MARCHF4: variants seen among roughly 807,000 people sequenced by gnomAD.
MARCHF4 encodes membrane associated ring-CH-type finger 4, also known as E3 ubiquitin-protein ligase MARCHF4.
MARCHF4 carries 14 observed loss-of-function variants against 43.9 expected under a neutral mutation model. The ratio of observed to expected loss-of-function variants is 0.32; its 90% confidence interval spans 0.21 to 0.50. MARCHF4 has a LOEUF of 0.50. Among genes scored for constraint, MARCHF4 ranks in the 20% least tolerant of loss-of-function variants. The pLI, the probability that MARCHF4 is intolerant of heterozygous loss-of-function variation, is 0.98. For missense variants in MARCHF4, 468 were observed against 536.7 expected (o/e 0.87, Z 1.27); for synonymous variants, 226 against 213.3 (o/e 1.06, Z -0.52).
intron 3 of MARCHF4, among the ~76,000 whole-genome samples, chr2:216,269,079 C>CCA (rs1690893188): frequency 6.6e-6 from 1 of 152,150 alleles, no homozygotes; most frequent in Admixed American, 6.5e-5. Flanking sequence ...CCATATTCTA[C>CCA]TGTTTTAAAG....
At chr2:216,360,526 G>T (rs1430362450) in intron 1 of MARCHF4, among the ~76,000 whole-genome samples, 2 of 132,268 alleles carry the variant, frequency 1.5e-5, no homozygotes, top group East Asian at 5.6e-4. Flanking sequence ...ATCTGAAAAG[G>T]CTACACACTG....
intron 1 of MARCHF4, among the ~76,000 whole-genome samples, chr2:216,320,083 G>A (rs966301833): frequency 6.6e-6 from 1 of 152,122 alleles, no homozygotes; most frequent in Non-Finnish European, 1.5e-5. Flanking sequence ...TAAAGGGAAA[G>A]TAAAAAATCT....
intron 1 of MARCHF4, among the ~76,000 whole-genome samples, chr2:216,329,335 G>T (rs1692048343): frequency 6.6e-6 from 1 of 152,042 alleles, no homozygotes; most frequent in Non-Finnish European, 1.5e-5. Flanking sequence ...GAGCCGAGAT[G>T]GCGCCACTGG....
At chr2:216,299,775 G>T (rs747296414) in intron 1 of MARCHF4, among the ~76,000 whole-genome samples, 6 of 152,188 alleles carry the variant, frequency 3.9e-5, no homozygotes, top group Non-Finnish European at 7.3e-5. Flanking sequence ...CTAAAAGTTG[G>T]CTGAATGGTT....
intron 1 of MARCHF4, among the ~76,000 whole-genome samples, chr2:216,288,938 G>C (rs980072208): frequency 2.6e-5 from 4 of 151,620 alleles, no homozygotes; most frequent in African/African-American, 9.7e-5. Flanking sequence ...TCCATCAGGA[G>C]AACAAAGGTA....
chr2:216,276,879 G>T (rs207825), intron 3 of MARCHF4, among the ~76,000 whole-genome samples: 102,342 of 151,956 alleles, frequency 0.67, 35,213 homozygotes, highest in Non-Finnish European at 0.75. Context: ...GACCCAGCCC[G>T]CAACCACCCA....
chr2:216,263,868 C>T lies in MARCHF4; in HGVS notation c.866-4189G>A, dbSNP rs1033411124. On this transcript the variant is annotated intron_variant, in intron 3 of 3. Transcript: ENST00000273067. The stretch of plus-strand genomic sequence containing the variant: ...GGGCACGGTGAAGGGCTGGGAAGAC[C>T]GGCTCAGATGTAGGGATGAGCTGAG... Among the ~76,000 whole-genome samples, 7 of 152,202 alleles carry T rather than the reference C, an allele frequency of 4.6e-5. No homozygotes were observed. In the South Asian group the frequency reaches 6.2e-4, roughly 14 times the overall value.
At chr2:216,296,930 G>A (rs1416981416) in intron 1 of MARCHF4, among the ~76,000 whole-genome samples, 1 of 152,178 alleles carries the variant, frequency 6.6e-6, no homozygotes, top group Admixed American at 6.5e-5. Flanking sequence ...TGGGTCCTGC[G>A]CCCCTGGGAG....
intron 1 of MARCHF4, among the ~76,000 whole-genome samples, chr2:216,313,512 T>C (rs2105957814): frequency 6.6e-6 from 1 of 152,350 alleles, no homozygotes; most frequent in Middle Eastern, 3.4e-3. Context: ...GGCCTGATTG[T>C]AAAGCTCCCG....
intron 2 of MARCHF4, among the ~76,000 whole-genome samples, chr2:216,280,432 G>A (rs527887150): frequency 7.2e-5 from 11 of 152,284 alleles, no homozygotes; most frequent in South Asian, 4.2e-4. Context: ...CCGCTCCTAC[G>A]CACTGAGTGT....
In MARCHF4 at chr2:216,329,507, A is replaced by T. The variant is rs1177923252; in HGVS notation, c.516+40238T>A. On this transcript the variant is annotated intron_variant, in intron 1 of 3. Coordinates refer to ENST00000273067, the MANE Select transcript of MARCHF4 (RefSeq NM_020814.3). Reference sequence around the variant, plus strand: ...CTTATATTGGACCATAGTAAGAAAGAGTGGCCACTATAAGAAGAATAGAAG... The same window carrying T: ...CTTATATTGGACCATAGTAAGAAAGTGTGGCCACTATAAGAAGAATAGAAG... Among the ~76,000 whole-genome samples, 3 of 152,136 alleles carry T rather than the reference A, an allele frequency of 2.0e-5. No homozygotes were observed. In the East Asian group the frequency reaches 5.8e-4, roughly 29 times the overall value.
At chr2:216,279,277 A>G (rs1263233960) in intron 2 of MARCHF4, among the ~76,000 whole-genome samples, 1 of 152,228 alleles carries the variant, frequency 6.6e-6, no homozygotes, top group Non-Finnish European at 1.5e-5. Flanking sequence ...GAAGGATAAA[A>G]GCCTGGGAGA....
chr2:216,268,733 T>G (rs1190500844), intron 3 of MARCHF4, among the ~76,000 whole-genome samples: 2 of 152,242 alleles, frequency 1.3e-5, no homozygotes, highest in African/African-American at 2.4e-5. Flanking sequence ...TTTCTCGTAC[T>G]GCACTAGGCT....
intron 2 of MARCHF4, among the ~76,000 whole-genome samples, chr2:216,278,217 C>CTTTTA (rs1319722736): frequency 7.8e-6 from 1 of 127,450 alleles, no homozygotes; most frequent in African/African-American, 2.6e-5. Context: ...CCAGATGATT[C>CTTTTA]TTTTATTTAT....
intron 3 of MARCHF4, among the ~76,000 whole-genome samples, chr2:216,274,393 T>C (rs1050218117): frequency 1.3e-5 from 2 of 152,110 alleles, no homozygotes; most frequent in Admixed American, 6.5e-5. Context: ...AGCCTAAAAA[T>C]AAAGATATCC....
chr2:216,269,076 C>T (rs1475662420), intron 3 of MARCHF4, among the ~76,000 whole-genome samples: 1 of 152,108 alleles, frequency 6.6e-6, no homozygotes, highest in Non-Finnish European at 1.5e-5. Flanking sequence ...TTACCATATT[C>T]TACTGTTTTA....
chr2:216,311,945 T>C (rs1003998147), intron 1 of MARCHF4, among the ~76,000 whole-genome samples: 32 of 152,332 alleles, frequency 2.1e-4, no homozygotes, highest in African/African-American at 7.5e-4. Context: ...ATAAGGTTGA[T>C]TTGTTTTTAG....
At chr2:216,302,897 CAAAAAA>C (rs201503998) in intron 1 of MARCHF4, among the ~76,000 whole-genome samples, 1 of 78,360 alleles carries the variant, frequency 1.3e-5, no homozygotes, top group African/African-American at 8.1e-5. Context: ...GACTCTGTAT[CAAAAAA>C]AAAAAAAAAA....
intron 1 of MARCHF4, among the ~76,000 whole-genome samples, chr2:216,354,955 CTTT>C (rs1692472230): frequency 1.4e-5 from 2 of 138,778 alleles, no homozygotes; most frequent in Non-Finnish European, 3.1e-5. Flanking sequence ...TTCTTTCTTT[CTTT>C]CTTTCTTTCT....
Sources: allele counts gnomAD v4.1 joint callset (sites outside exome capture counted in the v4.1 genomes callset), GRCh38; gene constraint gnomAD v4.1.1; transcripts MANE v1.5; gene names NCBI Gene and HGNC (gene_info 2026-07-23, HGNC 2026-07-21).